The following CYP2C19 variants were observed in gnomAD, a reference collection of about 807,000 sequenced individuals.
CYP2C19 encodes cytochrome P450 2C19.
In CYP2C19, 59 loss-of-function variants were observed where a neutral mutation model predicts 40.9. The observed-to-expected ratio is 1.44, with a 90% CI of 1.17 to 1.79. The LOEUF (loss-of-function observed/expected upper bound fraction) is 1.79, where lower values mean the gene tolerates loss of function less well. CYP2C19 is among the 40% of genes most tolerant of loss of function. CYP2C19 has a pLI of 0.00. For synonymous variants in CYP2C19, 253 were observed against 208.7 expected, an observed-to-expected ratio of 1.21 and a Z score of -1.83; for missense variants, 754 against 596.9, an observed-to-expected ratio of 1.26 and a Z score of -2.74.
intron 7 of CYP2C19, among the ~76,000 whole-genome samples, chr10:94,846,940 GT>G (rs1358857034): frequency 6.6e-6 from 1 of 151,982 alleles, no homozygotes; most frequent in Non-Finnish European, 1.5e-5. Flanking sequence ...TTTTATACTT[GT>G]GACTATACTT....
intron 6 of CYP2C19, among the ~76,000 whole-genome samples, chr10:94,822,910 A>G (rs1172171915): frequency 1.3e-5 from 2 of 149,332 alleles, no homozygotes; most frequent in South Asian, 2.1e-4. Flanking sequence ...TCCTTTCACC[A>G]TTTCTAATTT....
rs940960423 is a variant in CYP2C19, at chr10:94,853,197, G to A, written c.*283G>A. 24 of 413,636 alleles carry A rather than the reference G, an allele frequency of 5.8e-5. No homozygotes were observed. The highest frequency in any genetic ancestry group is 7.0e-4 in the Middle Eastern group (1 of 1,436). The allele number at this position is 413,636 out of a possible 1,614,324, so 25.6% of individuals were successfully genotyped here. A position where few individuals can be genotyped will look rare whatever the true frequency, so the allele number is the denominator to read the frequency against. On this transcript the variant is annotated 3_prime_UTR_variant, in exon 9 of 9. Transcript: ENST00000371321. ...TATTAAATAGAGAAAGATGATTTGT[G>A]TATTATAATTCAAAGGCATTTCTTC... is the stretch of plus-strand genomic sequence containing the variant.
At chr10:94,836,211 C>T (rs1849401054) in intron 6 of CYP2C19, among the ~76,000 whole-genome samples, 1 of 152,168 alleles carries the variant, frequency 6.6e-6, no homozygotes, top group Admixed American at 6.5e-5. Flanking sequence ...CATGGATGCC[C>T]ACACAGTAAG....
rs1293310762 is a variant in CYP2C19 at position 94,854,810 on chromosome 10, T to C, written c.*1896T>C. On this transcript the variant is annotated 3_prime_UTR_variant, in exon 9 of 9. Transcript: ENST00000371321. ...TAATATGCCAGCAAAACCTCTAAGG[T>C]GATAGAAACATAGGCAAATAATTCA... Among the ~76,000 whole-genome samples the C allele has an allele frequency of 6.6e-6, 1 of 152,022 alleles. No homozygotes were observed. Among genetic ancestry groups the C allele is most frequent in the Non-Finnish European group, 1.5e-5 (1 of 67,994 alleles).
In CYP2C19 at chr10:94,832,336, T is replaced by C. The variant is rs1849346955; in HGVS notation, c.962-10501T>C. ...AAGGCAAATGAGGAGAAAAGTCACA[T>C]CTTACATGGTGGCAGACAGAGATCT... On this transcript the variant is annotated intron_variant, in intron 6 of 8. Transcript: ENST00000371321. Among the ~76,000 whole-genome samples, 2 of 152,168 alleles carry C rather than the reference T, an allele frequency of 1.3e-5. 1 individual carries two copies. The highest frequency in any genetic ancestry group is 4.1e-4 in the South Asian group (2 of 4,822).
intron 1 of CYP2C19, among the ~76,000 whole-genome samples, chr10:94,763,260 G>T (rs910591207): frequency 6.6e-6 from 1 of 152,066 alleles, no homozygotes; most frequent in Admixed American, 6.5e-5. Flanking sequence ...ATTCAGAATA[G>T]CCGTGAAAAT....
At chr10:94,788,269 C>A (rs1039019646) in intron 5 of CYP2C19, among the ~76,000 whole-genome samples, 3 of 151,954 alleles carry the variant, frequency 2.0e-5, no homozygotes, top group African/African-American at 7.2e-5. Flanking sequence ...CTTCCAGGAG[C>A]TTTTTGGAAG....
At chr10:94,787,487 C>T (rs1848558185) in intron 5 of CYP2C19, among the ~76,000 whole-genome samples, 1 of 152,046 alleles carries the variant, frequency 6.6e-6, no homozygotes, top group African/African-American at 2.4e-5. Context: ...TGTGCAGAAG[C>T]TCTTTACTTT....
chr10:94,762,699 G>A lies in CYP2C19; in HGVS notation c.-7G>A, dbSNP rs1343090861. ...CACGGTTGTCTTAACAAGAGGAGAA[G>A]GCTTCAATGGATCCTTTTGTGGTCC... On this transcript the variant is annotated 5_prime_UTR_variant, in exon 1 of 9. Coordinates refer to ENST00000371321, the MANE Select transcript of CYP2C19 (RefSeq NM_000769.4). 6 of 1,612,554 alleles carry A rather than the reference G, an allele frequency of 3.7e-6. No homozygotes were observed. The African/African-American group carries it at 4.0e-5, about 11-fold the overall frequency.
At chr10:94,822,198 C>T (rs1164198604) in intron 6 of CYP2C19, among the ~76,000 whole-genome samples, 1 of 152,020 alleles carries the variant, frequency 6.6e-6, no homozygotes, top group Admixed American at 6.6e-5. Flanking sequence ...AAAGACATAC[C>T]TGAGGCTGGG....
In CYP2C19 at chr10:94,793,220, C is replaced by CCA. The variant is rs1410361343; in HGVS notation, c.819+11223_819+11224insCA. ...TCAGTTCCATCAGGTCATTTAAGGT[C>CCA]TTCCCTATGCTGTTTATTCTAGTTA... On this transcript the variant is annotated intron_variant, in intron 5 of 8. Coordinates refer to ENST00000371321, the MANE Select transcript of CYP2C19 (RefSeq NM_000769.4). 2.2e-4 allele frequency among the ~76,000 whole-genome samples: 33 copies of CCA among 152,196 alleles called. 1 individual carries two copies. The South Asian group carries it at 6.4e-3, about 30-fold the overall frequency.
chr10:94,784,515 TAGA>T (rs1032527681), intron 5 of CYP2C19, among the ~76,000 whole-genome samples: 19 of 152,154 alleles, frequency 1.2e-4, no homozygotes, highest in South Asian at 2.1e-4. Flanking sequence ...TCCAGCAATG[TAGA>T]AGGATTTCTG....
chr10:94,843,077 CACAGTATGATTCTT>C, intron 7 of CYP2C19, 53 bp downstream of exon 7: 2 of 1,597,642 alleles, frequency 1.3e-6, no homozygotes, highest in South Asian at 2.2e-5. Context: ...TCCTCAAATT[CACAGTATGATTCTT>C]ACCCTCTACC....
chr10:94,855,094 C>T lies in CYP2C19; in HGVS notation c.*2180C>T, dbSNP rs2134296996. Among the ~76,000 whole-genome samples, 1 of 152,302 alleles carries T rather than the reference C, an allele frequency of 6.6e-6. No individual in the cohort carries two copies. The highest frequency in any genetic ancestry group is 2.1e-4 in the South Asian group (1 of 4,830). ...TAAAGGCTGCCTGCATTCCTTGGCT[C>T]ATGAACTCCTTTTTCTTTCACTCCA... On this transcript the variant is annotated 3_prime_UTR_variant, in exon 9 of 9. Coordinates refer to ENST00000371321, the MANE Select transcript of CYP2C19 (RefSeq NM_000769.4).
Position 94,800,870 on chromosome 10 carries a change from G to T in CYP2C19, c.819+18873G>T, listed in dbSNP as rs1033650646. Among the ~76,000 whole-genome samples the T allele has an allele frequency of 9.2e-5, 14 of 152,180 alleles. 1 individual carries two copies. The highest frequency in any genetic ancestry group is 8.5e-4 in the Admixed American group (13 of 15,272). ...CTAGTCTGCCTGTTGCTAAGACCAT[G>T]GGAAAAGCACAGTATTTGAGTGAGA... On this transcript the variant is annotated intron_variant, in intron 5 of 8. Transcript: ENST00000371321.
At chr10:94,839,289 G>A (rs1849453522) in intron 6 of CYP2C19, among the ~76,000 whole-genome samples, 1 of 151,564 alleles carries the variant, frequency 6.6e-6, no homozygotes, top group Admixed American at 6.6e-5. Context: ...CATTGCCTTT[G>A]CACTCAGAGG....
At chr10:94,829,108 A>C (rs1315769290) in intron 6 of CYP2C19, among the ~76,000 whole-genome samples, 3 of 151,992 alleles carry the variant, frequency 2.0e-5, no homozygotes, top group Non-Finnish European at 4.4e-5. Flanking sequence ...TTTTTCCTTC[A>C]TTTCAACTTT....
chr10:94,773,070 C>T (rs112430867), intron 1 of CYP2C19, among the ~76,000 whole-genome samples: 1,942 of 152,262 alleles, frequency 0.013, 57 homozygotes, highest in African/African-American at 0.044. Context: ...CGTGAGCCAC[C>T]GCACCCGGCC....
chr10:94,770,326 T>C (rs974290327), intron 1 of CYP2C19, among the ~76,000 whole-genome samples: 6 of 152,150 alleles, frequency 3.9e-5, no homozygotes, highest in African/African-American at 1.4e-4. Context: ...GGCTTGTTTC[T>C]CATTGGACAA....
Sources: gnomAD v4.1 joint callset for allele counts (sites outside exome capture counted in the v4.1 genomes callset) on GRCh38, gnomAD v4.1.1 for gene constraint, MANE v1.5 for transcripts, NCBI Gene and HGNC (gene_info 2026-07-23, HGNC 2026-07-21) for gene names.